NT5DC3: variants seen among roughly 807,000 people sequenced by gnomAD.
The protein encoded by NT5DC3 is 5'-nucleotidase domain containing 3, also known as 5'-nucleotidase domain-containing protein 3.
Under a neutral mutation model 67.8 loss-of-function variants are expected in NT5DC3, and 42 were observed. The observed-to-expected ratio is 0.62, with a 90% confidence interval of 0.48 to 0.80. The LOEUF is 0.80. NT5DC3 is among the 30% of genes least tolerant of loss of function. The pLI is 0.00. For synonymous variants in NT5DC3, 237 were observed against 255.6 expected, an observed-to-expected ratio of 0.93 and a Z score of 0.69; for missense variants, 570 against 696.4, an observed-to-expected ratio of 0.82 and a Z score of 2.04.
chr12:103,797,739 G>A (rs553545681), intron 5 of NT5DC3, among the ~76,000 whole-genome samples: 2 of 152,028 alleles, frequency 1.3e-5, no homozygotes, highest in Non-Finnish European at 2.9e-5. Flanking sequence ...CGAACCTCAC[G>A]GCCCACATTT....
chr12:103,803,868 C>CCA (rs1555262147), intron 4 of NT5DC3, among the ~76,000 whole-genome samples: 1 of 148,030 alleles, frequency 6.8e-6, no homozygotes, highest in Non-Finnish European at 1.5e-5. Flanking sequence ...CACCCCCCCC[C>CCA]CAAAAAAATG....
intron 12 of NT5DC3, among the ~76,000 whole-genome samples, chr12:103,780,971 T>A (rs972437618): frequency 6.9e-6 from 1 of 143,958 alleles, no homozygotes; most frequent in Non-Finnish European, 1.5e-5. Flanking sequence ...GTGTTTAATT[T>A]AAAAAAACAA....
intron 6 of NT5DC3, among the ~76,000 whole-genome samples, chr12:103,794,483 G>A (rs1177864909): frequency 6.6e-6 from 1 of 152,184 alleles, no homozygotes; most frequent in Non-Finnish European, 1.5e-5. Flanking sequence ...AGCCCCTTGT[G>A]AAAGCCAAAG....
At chr12:103,780,001 C>CCAGATGGGAAGGT (rs1885482900) in intron 13 of NT5DC3, among the ~76,000 whole-genome samples, 1 of 152,102 alleles carries the variant, frequency 6.6e-6, no homozygotes, top group Non-Finnish European at 1.5e-5. Context: ...CACCAGCTGC[C>CCAGATGGGAAGGT]CAGATGGGAA....
intron 4 of NT5DC3, among the ~76,000 whole-genome samples, chr12:103,801,212 G>C (rs1886560683): frequency 6.6e-6 from 1 of 151,934 alleles, no homozygotes; most frequent in African/African-American, 2.4e-5. Context: ...ACTTTGCTTA[G>C]AAACAAAGCG....
intron 2 of NT5DC3, among the ~76,000 whole-genome samples, chr12:103,810,950 G>A (rs1197517592): frequency 6.6e-6 from 1 of 152,190 alleles, no homozygotes; most frequent in African/African-American, 2.4e-5. Flanking sequence ...AGGCAACGCA[G>A]AAGGGAACAA....
At chr12:103,772,154 T>A (rs973900073), downstream of NT5DC3, among the ~76,000 whole-genome samples, 3 of 152,092 alleles carry the variant, frequency 2.0e-5, no homozygotes, top group Non-Finnish European at 4.4e-5. Flanking sequence ...CCCTTAGAAT[T>A]TTTTTTAATC....
intron 13 of NT5DC3, among the ~76,000 whole-genome samples, chr12:103,779,215 C>T (rs931161209): frequency 1.3e-5 from 2 of 152,130 alleles, no homozygotes; most frequent in Admixed American, 6.5e-5. Context: ...GGCTGTTCAC[C>T]CCATCCAAGC....
chr12:103,840,131 C>G (rs1428614904), intron 1 of NT5DC3, among the ~76,000 whole-genome samples: 1 of 152,188 alleles, frequency 6.6e-6, no homozygotes, highest in African/African-American at 2.4e-5. Flanking sequence ...TGAGTCTCGC[C>G]TTTCCCATCT....
At chr12:103,788,787 T>C (rs1885906677) in intron 10 of NT5DC3, 51 bp downstream of exon 10, 1 of 1,191,932 alleles carries the variant, frequency 8.4e-7, no homozygotes. Flanking sequence ...ATTAGCATTA[T>C]TACCGACCAC....
At chr12:103,815,885 T>C (rs1023652811) in intron 1 of NT5DC3, among the ~76,000 whole-genome samples, 2 of 152,248 alleles carry the variant, frequency 1.3e-5, no homozygotes, top group African/African-American at 4.8e-5. Flanking sequence ...AAAAAATATA[T>C]TTGCAGATTT....
intron 4 of NT5DC3, among the ~76,000 whole-genome samples, chr12:103,803,395 C>T (rs569702608): frequency 2.6e-4 from 39 of 152,222 alleles, no homozygotes; most frequent in African/African-American, 9.4e-4. Context: ...TTTCACTTAT[C>T]CTAAGAAAAT....
chr12:103,812,742 T>C (rs1887088522), intron 2 of NT5DC3, among the ~76,000 whole-genome samples: 1 of 152,106 alleles, frequency 6.6e-6, no homozygotes, highest in Non-Finnish European at 1.5e-5. Context: ...CTTGATCTAG[T>C]AGCTTAATTT....
chr12:103,806,349 T>C lies in NT5DC3; in HGVS notation c.497A>G (p.His166Arg). Residue 166 changes from histidine to arginine, a missense_variant, in exon 4 of 14, where the codon CAT becomes CGT. His to Arg is a conservative substitution (Grantham distance 29). This residue lies in a region of NT5DC3 where 466 missense variants were observed against 608.0 expected (regional missense o/e 0.77). Coordinates refer to ENST00000392876, the MANE Select transcript of NT5DC3 (RefSeq NM_001031701.3). The stretch of plus-strand genomic sequence containing the variant: ...GTAGACAGTTCCCAGCTGGATATAA[T>C]GAAAAGCATCGATCTTCATTAATAC... ...RAVLMKIDAF[H>R]YIQLGTVYRG... 1.9e-6 allele frequency: 3 copies of C among 1,605,042 alleles called. No individual in the cohort carries two copies. Among genetic ancestry groups the C allele is most frequent in the Non-Finnish European group, 2.6e-6 (3 of 1,171,746 alleles).
chr12:103,837,646 G>A lies in NT5DC3; in HGVS notation c.208+3303C>T, dbSNP rs866918175. ...ATCTCTAGGGCAGGGGCAAAATGCC[G>A]CCAACCTCTTTGCTAAAACATAACA... On this transcript the variant is annotated intron_variant, in intron 1 of 13. Transcript: ENST00000392876. 1.2e-4 allele frequency among the ~76,000 whole-genome samples: 19 copies of A among 152,314 alleles called. 1 individual carries two copies. Among genetic ancestry groups the A allele is most frequent in the Admixed American group, 2.0e-4 (3 of 15,302 alleles).
chr12:103,755,709 C>A, the NT5DC3 span: 4 of 1,614,146 alleles, frequency 2.5e-6, no homozygotes, highest in South Asian at 2.2e-5. Flanking sequence ...CACTCACAAA[C>A]TTCCTGACGG....
In NT5DC3 at chr12:103,774,888, T is replaced by C. The variant is rs1280395671; in HGVS notation, c.*2941A>G. ...GGCCAGGCCTGGTGGCATGTACCAG[T>C]AGTCCCAGCTACTCGGGAGGCTGAG... On this transcript the variant is annotated 3_prime_UTR_variant, in exon 14 of 14. Coordinates refer to ENST00000392876, the MANE Select transcript of NT5DC3 (RefSeq NM_001031701.3). 1 of 151,222 alleles carries C rather than the reference T, an allele frequency of 6.6e-6. No individual in the cohort carries two copies. The highest frequency in any genetic ancestry group is 2.4e-5 in the African/African-American group (1 of 41,004). 9.4% of individuals were successfully genotyped at this position (151,222 alleles called of 1,614,324 possible).
intron 13 of NT5DC3, among the ~76,000 whole-genome samples, chr12:103,779,687 G>A (rs1593380135): frequency 1.3e-5 from 2 of 152,260 alleles, no homozygotes; most frequent in African/African-American, 2.4e-5. Flanking sequence ...TATACCCAGC[G>A]GCTGAAGAAA....
chr12:103,803,933 G>A (rs1209360376), intron 4 of NT5DC3, among the ~76,000 whole-genome samples: 1 of 151,714 alleles, frequency 6.6e-6, no homozygotes, highest in Non-Finnish European at 1.5e-5. Context: ...ACAGCATGGT[G>A]GCCAAGAGCA....
Sources: gnomAD v4.1 joint callset for allele counts (sites outside exome capture counted in the v4.1 genomes callset) on GRCh38, gnomAD v4.1.1 for gene constraint, gnomAD v4.1.1 regional missense constraint, MANE v1.5 for transcripts, NCBI Gene and HGNC (gene_info 2026-07-23, HGNC 2026-07-21) for gene names.